NRG3: variants seen among roughly 807,000 people sequenced by gnomAD.
NRG3 encodes the protein pro-neuregulin-3, membrane-bound isoform.
In NRG3, 31 loss-of-function variants were observed where a neutral mutation model predicts 66.9. The ratio of observed to expected loss-of-function variants is 0.46; its 90% confidence interval spans 0.35 to 0.63. NRG3 has a LOEUF of 0.63. Among genes scored for constraint, NRG3 ranks in the 20% least tolerant of loss-of-function variants. The pLI, the probability that NRG3 is intolerant of heterozygous loss-of-function variation, is 0.00. For missense variants in NRG3, 910 were observed against 878.9 expected (o/e 1.04, Z -0.45); for synonymous variants, 393 against 359.4 (o/e 1.09, Z -1.06).
At chr10:82,352,884 G>GTTT (rs200054765) in intron 1 of NRG3, among the ~76,000 whole-genome samples, 4 of 138,582 alleles carry the variant, frequency 2.9e-5, no homozygotes, top group African/African-American at 7.7e-5. Context: ...TTGCTATGTG[G>GTTT]TTTTTTTTTT....
chr10:81,880,002 T>A (rs1842035915), intron 1 of NRG3, among the ~76,000 whole-genome samples: 1 of 152,236 alleles, frequency 6.6e-6, no homozygotes, highest in South Asian at 2.1e-4. Flanking sequence ...AGGATCAATA[T>A]TTCTTATGAA....
intron 1 of NRG3, among the ~76,000 whole-genome samples, chr10:82,349,614 C>T (rs997593581): frequency 6.6e-6 from 1 of 152,028 alleles, no homozygotes; most frequent in African/African-American, 2.4e-5. Context: ...TTCCCGGCTG[C>T]TTTGTTTACC....
At position 81,888,896 on chromosome 10, in the gene NRG3, C is replaced by T. The variant is rs193084601; in HGVS notation, c.823+12733C>T. ...GAATGAGCAGCGAATTTTAAAGATTCTCTAAGGCTAACTTGTTCCAAATCA... is the reference window on the plus strand; with the variant it reads ...GAATGAGCAGCGAATTTTAAAGATTTTCTAAGGCTAACTTGTTCCAAATCA... On this transcript the variant is annotated intron_variant, in intron 1 of 8. Transcript: ENST00000372141. 5.3e-5 allele frequency among the ~76,000 whole-genome samples: 8 copies of T among 152,250 alleles called. No homozygotes were observed. The East Asian group carries it at 1.2e-3, about 22-fold the overall frequency.
intron 2 of NRG3, among the ~76,000 whole-genome samples, chr10:82,460,177 A>T (rs2091448006): frequency 6.6e-6 from 1 of 152,166 alleles, no homozygotes; most frequent in African/African-American, 2.4e-5. Flanking sequence ...AGCCATACTG[A>T]CATCAAGATA....
At chr10:82,637,636 T>C (rs1396475208) in intron 2 of NRG3, among the ~76,000 whole-genome samples, 2 of 152,174 alleles carry the variant, frequency 1.3e-5, no homozygotes, top group Non-Finnish European at 2.9e-5. Flanking sequence ...ACAAAACAAC[T>C]GTCTTGTAGT....
chr10:82,122,838 T>C lies in NRG3; in HGVS notation c.824-235901T>C, dbSNP rs59563691. Among the ~76,000 whole-genome samples the C allele has an allele frequency of 5.2e-3, 785 of 152,286 alleles. 7 individuals carry two copies. The highest frequency in any genetic ancestry group is 0.018 in the African/African-American group (738 of 41,568). ...ATTTCCTGTGATACAAGCTAATATT[T>C]CTGGCTCTACAACCCAACTTCTTTT... On this transcript the variant is annotated intron_variant, in intron 1 of 8. Transcript: ENST00000372141.
At chr10:81,894,491 C>T (rs1484243361) in intron 1 of NRG3, among the ~76,000 whole-genome samples, 1 of 152,050 alleles carries the variant, frequency 6.6e-6, no homozygotes, top group East Asian at 1.9e-4. Context: ...TCACATGGAC[C>T]CATCCTAAGA....
intron 1 of NRG3, among the ~76,000 whole-genome samples, chr10:82,332,490 C>T (rs1371831852): frequency 6.6e-6 from 1 of 152,070 alleles, no homozygotes; most frequent in African/African-American, 2.4e-5. Flanking sequence ...CAACACTGAC[C>T]AGGGGAAGAA....
At chr10:82,822,711 T>C (rs1438585325) in intron 3 of NRG3, among the ~76,000 whole-genome samples, 2 of 152,074 alleles carry the variant, frequency 1.3e-5, no homozygotes, top group African/African-American at 4.8e-5. Flanking sequence ...ATGTCCAATA[T>C]GCCCTGCCTG....
At chr10:82,295,603 C>T (rs984948762) in intron 1 of NRG3, among the ~76,000 whole-genome samples, 3 of 152,102 alleles carry the variant, frequency 2.0e-5, no homozygotes, top group Admixed American at 1.3e-4. Context: ...CCAAAAATAT[C>T]TTATAGGAAA....
chr10:82,207,079 A>G (rs2075155729), intron 1 of NRG3, among the ~76,000 whole-genome samples: 1 of 152,158 alleles, frequency 6.6e-6, no homozygotes, highest in Admixed American at 6.6e-5. Context: ...AACATGTTGG[A>G]AAAACAATAG....
At chr10:82,380,616 G>T (rs955856823) in intron 2 of NRG3, among the ~76,000 whole-genome samples, 1 of 152,126 alleles carries the variant, frequency 6.6e-6, no homozygotes, top group African/African-American at 2.4e-5. Flanking sequence ...TTAGAGATGG[G>T]AAAGTATAGA....
intron 1 of NRG3, among the ~76,000 whole-genome samples, chr10:82,040,303 T>G (rs4325266): frequency 0.64 from 96,580 of 151,826 alleles, 32,310 homozygotes; most frequent in South Asian, 0.87. Flanking sequence ...TATGTATACA[T>G]GTATAGTATA....
intron 2 of NRG3, among the ~76,000 whole-genome samples, chr10:82,439,374 A>C (rs1393824896): frequency 1.0e-5 from 1 of 99,812 alleles, no homozygotes; most frequent in East Asian, 3.0e-4. Context: ...TTTATACTTT[A>C]AAACAAATTA....
intron 2 of NRG3, among the ~76,000 whole-genome samples, chr10:82,556,002 G>A (rs956049957): frequency 1.3e-5 from 2 of 151,976 alleles, no homozygotes; most frequent in South Asian, 4.1e-4. Context: ...TCAGACCACT[G>A]TATGAAGCTG....
intron 1 of NRG3, among the ~76,000 whole-genome samples, chr10:81,971,567 G>C: frequency 6.6e-6 from 1 of 152,212 alleles, no homozygotes; most frequent in Non-Finnish European, 1.5e-5. Flanking sequence ...TAAATGGACA[G>C]AATATATGAA....
At chr10:82,408,081 G>GAGAGAC (rs1564888020) in intron 2 of NRG3, among the ~76,000 whole-genome samples, 5 of 67,030 alleles carry the variant, frequency 7.5e-5, no homozygotes, top group Non-Finnish European at 8.5e-5. Context: ...GAGAGAGAGA[G>GAGAGAC]AGACAGAAAG....
At chr10:82,547,521 G>C (rs1262088687) in intron 2 of NRG3, among the ~76,000 whole-genome samples, 1 of 149,766 alleles carries the variant, frequency 6.7e-6, no homozygotes, top group Admixed American at 6.7e-5. Flanking sequence ...TCCATATATA[G>C]TGTGTATATG....
intron 2 of NRG3, among the ~76,000 whole-genome samples, chr10:82,572,492 C>G (rs1031021864): frequency 7.9e-5 from 12 of 151,612 alleles, no homozygotes; most frequent in Non-Finnish European, 1.0e-4. Context: ...AGTAATAGTT[C>G]TGAAAAACAG....
Sources: gnomAD v4.1 joint callset for allele counts (sites outside exome capture counted in the v4.1 genomes callset) on GRCh38, gnomAD v4.1.1 for gene constraint, MANE v1.5 for transcripts, NCBI Gene and HGNC (gene_info 2026-07-23, HGNC 2026-07-21) for gene names.